The following CLEC2D variants were observed in gnomAD, a reference collection of about 807,000 sequenced individuals.
CLEC2D encodes the protein C-type lectin domain family 2 member D, also known as C-type lectin related f.
CLEC2D carries 16 observed loss-of-function variants against 20.0 expected under a neutral mutation model. That is an observed-to-expected ratio of 0.80 (90% CI 0.54 to 1.22). The LOEUF is 1.22. Among genes scored for constraint, CLEC2D ranks in the 50% most tolerant of loss-of-function variants. The probability of loss-of-function intolerance (pLI) is 0.00; values close to 1 mark genes in which losing one functional copy is unlikely to be tolerated. For missense variants in CLEC2D, 207 were observed against 221.5 expected, an observed-to-expected ratio of 0.93 and a Z score of 0.42; for synonymous variants, 77 against 71.1, an observed-to-expected ratio of 1.08 and a Z score of -0.42.
intron 2 of CLEC2D, among the ~76,000 whole-genome samples, chr12:9,683,130 C>T (rs901525327): frequency 6.6e-6 from 1 of 152,084 alleles, no homozygotes; most frequent in African/African-American, 2.4e-5. Context: ...TATTTGTTGG[C>T]CACATAAATG....
At chr12:9,670,024 T>C (rs1865377028) in intron 1 of CLEC2D, among the ~76,000 whole-genome samples, 1 of 121,118 alleles carries the variant, frequency 8.3e-6, no homozygotes, top group Non-Finnish European at 1.9e-5. Context: ...TGTAAGACAA[T>C]GAGATAAGGT....
intron 4 of CLEC2D, chr12:9,693,942 A>T (rs1220502424): frequency 1.4e-5 from 4 of 282,380 alleles, no homozygotes; most frequent in African/African-American, 5.1e-5. Context: ...AGTAGCTGGG[A>T]CTACAGGTGT....
At chr12:9,677,047 T>C (rs1020493067) in intron 1 of CLEC2D, among the ~76,000 whole-genome samples, 4 of 151,978 alleles carry the variant, frequency 2.6e-5, no homozygotes. Flanking sequence ...TTATCCATTT[T>C]TTTTTTTTTA....
chr12:9,670,615 G>A lies in CLEC2D; in HGVS notation c.61+820G>A, dbSNP rs61612380. 4.3e-3 allele frequency among the ~76,000 whole-genome samples: 653 copies of A among 152,140 alleles called. 3 individuals are homozygous for A. Among genetic ancestry groups the A allele is most frequent in the Middle Eastern group, 0.014 (4 of 294 alleles). On this transcript the variant is annotated intron_variant, in intron 1 of 4. Transcript: ENST00000290855. ...TTTCCCCATGGAAGTTGACATTTTC[G>A]TGGTTCTTCATATACTGTGTAATTT... is the stretch of plus-strand genomic sequence containing the variant.
Position 9,695,843 on chromosome 12 carries a change from T to TTGA in CLEC2D, c.*971_*972insATG. On this transcript the variant is annotated 3_prime_UTR_variant, in exon 5 of 5. Transcript: ENST00000290855. ...GGAGGTGGGCAGAAAAAAGTAAAACTTGCTGCTGCTGCTGATGATGATGAT... is the reference window on the plus strand; with the variant it reads ...GGAGGTGGGCAGAAAAAAGTAAAACTTGATGCTGCTGCTGCTGATGATGATGAT... 1.1e-6 allele frequency: 1 copy of TTGA among 873,240 alleles called. No homozygotes were observed. Among genetic ancestry groups the TTGA allele is most frequent in the Non-Finnish European group, 1.9e-6 (1 of 536,494 alleles). 54.1% of individuals were successfully genotyped at this position (873,240 alleles called of 1,614,324 possible).
In CLEC2D at chr12:9,678,450, AATG is replaced by A. The variant is rs950225867; in HGVS notation, c.62-2470_62-2468del. Among the ~76,000 whole-genome samples, 8 of 134,752 alleles carry A rather than the reference AATG, an allele frequency of 5.9e-5. No individual in the cohort carries two copies. The Admixed American group carries it at 6.1e-4, about 10-fold the overall frequency. The allele number at this position is 134,752 out of a possible 152,430, so 88.4% of individuals were successfully genotyped here. The stretch of plus-strand genomic sequence containing the variant: ...GGTGCATTTAGATCATTGATATTAA[AATG>A]ATTATTAATATAGGTGGATTAAATA... On this transcript the variant is annotated intron_variant, in intron 1 of 4. Transcript: ENST00000290855.
chr12:9,694,693 C>T, intron 4 of CLEC2D, 67 bp from the exon 5 acceptor site: 2 of 857,410 alleles, frequency 2.3e-6, no homozygotes, highest in South Asian at 2.7e-5. Context: ...CTCATTTTCT[C>T]ATCTTCATTC....
intron 1 of CLEC2D, among the ~76,000 whole-genome samples, chr12:9,672,293 C>T (rs919369195): frequency 6.6e-6 from 1 of 152,228 alleles, no homozygotes; most frequent in African/African-American, 2.4e-5. Flanking sequence ...GGACCTGCCT[C>T]TCAACACTAT....
chr12:9,695,878 GAT>G lies in CLEC2D; in HGVS notation c.*1005_*1006del. Reference sequence around the variant, plus strand: ...TGCTGATGATGATGATGATGAAGATGATGATGATGATGATGACGAGGAAGCTG... The same window carrying G: ...TGCTGATGATGATGATGATGAAGATGGATGATGATGATGACGAGGAAGCTG... On this transcript the variant is annotated 3_prime_UTR_variant, in exon 5 of 5. Transcript: ENST00000290855. 9.5e-7 allele frequency: 1 copy of G among 1,057,064 alleles called. No individual in the cohort carries two copies. The highest frequency in any genetic ancestry group is 1.5e-6 in the Non-Finnish European group (1 of 688,998). 65.5% of individuals were successfully genotyped at this position (1,057,064 alleles called of 1,614,324 possible). A position where few individuals can be genotyped will look rare whatever the true frequency, so the allele number is the denominator to read the frequency against.
chr12:9,688,144 T>A (rs1280588805), intron 3 of CLEC2D, 58 bp downstream of exon 3: 1 of 1,446,016 alleles, frequency 6.9e-7, no homozygotes, highest in Non-Finnish European at 9.1e-7. Context: ...TATGTTTTCC[T>A]GTGAAATTAT....
chr12:9,671,377 C>G (rs11052305), intron 1 of CLEC2D, among the ~76,000 whole-genome samples: 9,037 of 152,200 alleles, frequency 0.059, 318 homozygotes, highest in Non-Finnish European at 0.084. Context: ...CCCGCCACCA[C>G]GCCCGGCTAC....
Position 9,688,047 on chromosome 12 carries a change from A to G in CLEC2D, c.318A>G (p.Gln106=), listed in dbSNP as rs147578629. 2.0e-5 allele frequency: 33 copies of G among 1,612,422 alleles called. No homozygotes were observed. In the African/African-American group the frequency reaches 4.1e-4, roughly 20 times the overall value. ...CAAGTCAGAGGTTTTGTGACTCACA[A>G]GATGCTGATCTTGCTCAGGTTGAAA... The part of the protein sequence containing the change: ...WTSSQRFCDS[Q]DADLAQVESF... Residue 106 remains glutamine (Q), a synonymous_variant, in exon 3 of 5, where the codon CAA becomes CAG. Transcript: ENST00000290855.
chr12:9,680,945 T>C lies in CLEC2D; in HGVS notation c.84T>C (p.His28=). The part of the protein sequence containing the change: ...ANPGCLHSKE[H]SIKATLIWRL... Reference sequence around the variant, plus strand: ...CAGGTTGTCTGCATTCAAAAGAGCATTCTATTAAAGCTACCTTAATTTGGC... The same window carrying C: ...CAGGTTGTCTGCATTCAAAAGAGCACTCTATTAAAGCTACCTTAATTTGGC... Residue 28 remains histidine, a synonymous_variant, in exon 2 of 5, where the codon CAT becomes CAC. Transcript: ENST00000290855. 6.3e-7 allele frequency: 1 copy of C among 1,588,396 alleles called. No individual in the cohort carries two copies. The highest frequency in any genetic ancestry group is 1.1e-5 in the South Asian group (1 of 90,360).
chr12:9,686,732 C>A (rs1277213701), intron 2 of CLEC2D, among the ~76,000 whole-genome samples: 1 of 152,116 alleles, frequency 6.6e-6, no homozygotes, highest in Admixed American at 6.5e-5. Flanking sequence ...TCTGGAGAGA[C>A]ATTCATTCAT....
Position 9,696,502 on chromosome 12 carries a change from G to T in CLEC2D, c.*1628G>T. On this transcript the variant is annotated 3_prime_UTR_variant, in exon 5 of 5. Transcript: ENST00000290855. Reference sequence around the variant, plus strand: ...AGTGGTCAGACATGGAAATGGTGGGGAGACAAAAGTATACACGTGAAATAA... The same window carrying T: ...AGTGGTCAGACATGGAAATGGTGGGTAGACAAAAGTATACACGTGAAATAA... 3.7e-6 allele frequency: 1 copy of T among 268,646 alleles called. No individual in the cohort carries two copies. The allele number at this position is 268,646 out of a possible 1,614,324, so 16.6% of individuals were successfully genotyped here.
At chr12:9,693,125 A>G (rs374099267) in intron 4 of CLEC2D, 194 bp downstream of exon 4, 1 of 1,598,662 alleles carries the variant, frequency 6.3e-7, no homozygotes, top group Non-Finnish European at 8.6e-7. Context: ...GGTGAGGTAG[A>G]CTGACTGTGA....
rs1288782138 is a variant in CLEC2D, at chr12:9,695,431, CTA to C, written c.*559_*560del. ...ACATGAGCCCCCTGAGGCCCCAGAA[CTA>C]TCTTTTCAGTTGTGAACTAAAGGCC... On this transcript the variant is annotated 3_prime_UTR_variant, in exon 5 of 5. Coordinates refer to ENST00000290855, the MANE Select transcript of CLEC2D (RefSeq NM_013269.6). 8.2e-5 allele frequency: 122 copies of C among 1,485,496 alleles called. 1 individual carries two copies. Among genetic ancestry groups the C allele is most frequent in the Non-Finnish European group, 6.5e-6 (7 of 1,080,328 alleles). 92.0% of individuals were successfully genotyped at this position (1,485,496 alleles called of 1,614,324 possible). A position where few individuals can be genotyped will look rare whatever the true frequency, so the allele number is the denominator to read the frequency against.
intron 4 of CLEC2D, chr12:9,693,267 G>C (rs1486211057): frequency 6.8e-6 from 4 of 590,902 alleles, no homozygotes; most frequent in Non-Finnish European, 1.2e-5. Flanking sequence ...TCACAGGGTT[G>C]ATGTGAGGAA....
chr12:9,684,024 ATTTG>A (rs1171487317), intron 2 of CLEC2D, among the ~76,000 whole-genome samples: 6 of 151,950 alleles, frequency 3.9e-5, no homozygotes, highest in Non-Finnish European at 5.9e-5. Context: ...ATGATTTTCC[ATTTG>A]TTTGTGTCAT....
Sources: allele counts gnomAD v4.1 joint callset (sites outside exome capture counted in the v4.1 genomes callset), GRCh38; gene constraint gnomAD v4.1.1; transcripts MANE v1.5; gene names NCBI Gene and HGNC (gene_info 2026-07-23, HGNC 2026-07-21).